RPSA: variants seen among roughly 807,000 people sequenced by gnomAD.
RPSA encodes the protein ribosomal protein SA.
For synonymous variants in RPSA, 103 were observed against 126.7 expected (o/e 0.81, Z 1.25); for missense variants, 140 against 372.8 (o/e 0.38, Z 5.14).
chr3:39,407,536 G>C, intron 1 of RPSA, 85 bp from the exon 2 acceptor site: 1 of 934,214 alleles, frequency 1.1e-6, no homozygotes, highest in Non-Finnish European at 1.7e-6. Flanking sequence ...TGACACTATA[G>C]CAGATGGAGT....
At position 39,412,258 on chromosome 3, in the gene RPSA, G is replaced by C. The variant is rs770701783; in HGVS notation, c.794-16G>C. The C allele has an allele frequency of 6.3e-7, 1 of 1,592,276 alleles. No individual in the cohort carries two copies. The highest frequency in any genetic ancestry group is 2.2e-5 in the East Asian group (1 of 44,764). On this transcript the variant is annotated splice_polypyrimidine_tract_variant and intron_variant, in intron 6 of 6. Coordinates refer to ENST00000301821, the MANE Select transcript of RPSA (RefSeq NM_002295.6). ...GAGGACAGAGCTGATGGCTTTTTTT[G>C]GTATTCTCTTAACAGAAGACTGGAG...
intron 3 of RPSA, chr3:39,408,965 A>T: frequency 2.3e-6 from 1 of 433,764 alleles, no homozygotes; most frequent in African/African-American, 2.0e-5. Context: ...GGGTGCCTGT[A>T]GTCCCAGCTA....
chr3:39,407,485 A>ACCCTTC (rs1360904809), intron 1 of RPSA, 136 bp from the exon 2 acceptor site: 3 of 736,648 alleles, frequency 4.1e-6, no homozygotes, highest in Non-Finnish European at 7.4e-6. Context: ...TGTATGGGTT[A>ACCCTTC]ACTTTCTGTT....
At chr3:39,411,423 G>C (rs772966277) in intron 4 of RPSA, 6 of 584,164 alleles carry the variant, frequency 1.0e-5, no homozygotes, top group Admixed American at 3.0e-5. Flanking sequence ...GAATTGCCCA[G>C]ATATTTTTTT....
intron 4 of RPSA, chr3:39,411,298 C>G (rs1421122974): frequency 1.5e-6 from 1 of 653,360 alleles, no homozygotes; most frequent in African/African-American, 1.8e-5. Context: ...TTGCTCAGGC[C>G]TCAGGCACTT....
At chr3:39,411,114 A>AG (rs778242471) in intron 4 of RPSA, 115 bp downstream of exon 4, 1 of 1,356,110 alleles carries the variant, frequency 7.4e-7, no homozygotes, top group South Asian at 1.2e-5. Flanking sequence ...TCGCAAGTGT[A>AG]GGTAGTGTGC....
chr3:39,409,727 TG>T (rs1239460270), intron 3 of RPSA, among the ~76,000 whole-genome samples: 1 of 152,102 alleles, frequency 6.6e-6, no homozygotes, highest in Non-Finnish European at 1.5e-5. Context: ...TCCCGTTAAT[TG>T]GGAGTCTGAG....
chr3:39,408,865 G>A, intron 3 of RPSA, 141 bp downstream of exon 3: 1 of 645,996 alleles, frequency 1.5e-6, no homozygotes, highest in Non-Finnish European at 2.8e-6. Flanking sequence ...TTGGGAGGTG[G>A]AGTCCGGCGT....
intron 4 of RPSA, 119 bp downstream of exon 4, chr3:39,411,118 A>G (rs749311267): frequency 1.5e-6 from 2 of 1,305,274 alleles, no homozygotes; most frequent in Non-Finnish European, 1.1e-6. Context: ...AAGTGTAGGT[A>G]GTGTGCTACA....
chr3:39,409,636 G>A (rs1416002341), intron 3 of RPSA, among the ~76,000 whole-genome samples: 1 of 152,148 alleles, frequency 6.6e-6, no homozygotes, highest in East Asian at 1.9e-4. Flanking sequence ...CATAGTCAAA[G>A]TTTTTACCTT....
At chr3:39,408,082 T>C in intron 2 of RPSA, 1 of 403,954 alleles carries the variant, frequency 2.5e-6, no homozygotes, top group Non-Finnish European at 4.6e-6. Context: ...CATAGGTACT[T>C]ACACAGGCTA....
rs1575258845 is a variant in RPSA at position 39,412,058 on chromosome 3, A to G, written c.790A>G (p.Thr264Ala). 3 of 1,610,922 alleles carry G rather than the reference A, an allele frequency of 1.9e-6. No individual in the cohort carries two copies. The highest frequency in any genetic ancestry group is 1.7e-5 in the Admixed American group (1 of 59,986). Residue 264 changes from threonine to alanine, a missense_variant, in exon 6 of 7, where the codon ACT (threonine) becomes GCT (alanine). By Grantham distance (58) the Thr-to-Ala change is moderately conservative. Coordinates refer to ENST00000301821, the MANE Select transcript of RPSA (RefSeq NM_002295.6). ...VPSVPIQQFP[T>A]EDWSAQPATE... ...CTCTGTGCCTATTCAGCAATTCCCTACTGGTATGTATCAGGATAGAGGTGA... is the reference window on the plus strand; with the variant it reads ...CTCTGTGCCTATTCAGCAATTCCCTGCTGGTATGTATCAGGATAGAGGTGA...
chr3:39,411,508 T>G, intron 4 of RPSA, 141 bp from the exon 5 acceptor site: 1 of 858,156 alleles, frequency 1.2e-6, no homozygotes, highest in East Asian at 2.6e-5. Context: ...AAATCCCTAT[T>G]TATAATGCTC....
At chr3:39,407,893 A>G in intron 2 of RPSA, 107 bp downstream of exon 2, 1 of 785,320 alleles carries the variant, frequency 1.3e-6, no homozygotes, top group Non-Finnish European at 2.1e-6. Context: ...TCCTTAAATG[A>G]AGCCAGACCC....
Position 39,409,396 on chromosome 3 carries a change from T to A in RPSA, c.252+672T>A, listed in dbSNP as rs1394577958. Among the ~76,000 whole-genome samples the A allele has an allele frequency of 2.6e-5, 4 of 151,992 alleles. No individual in the cohort carries two copies. The East Asian group carries it at 7.7e-4, about 29-fold the overall frequency. On this transcript the variant is annotated intron_variant, in intron 3 of 6. Transcript: ENST00000301821. ...TTTGTATTTTTAGTAGAGACATGGTTTTACCATTTGGCCAGGCTGGTCTTA... is the reference window on the plus strand; with the variant it reads ...TTTGTATTTTTAGTAGAGACATGGTATTACCATTTGGCCAGGCTGGTCTTA...
chr3:39,410,104 CAG>C (rs1336224100), intron 3 of RPSA, among the ~76,000 whole-genome samples: 9 of 152,318 alleles, frequency 5.9e-5, no homozygotes, highest in Admixed American at 2.0e-4. Context: ...GCCTGAGTGA[CAG>C]AGTGAGGCCT....
At chr3:39,411,547 A>G in intron 4 of RPSA, 102 bp from the exon 5 acceptor site, 2 of 1,231,976 alleles carry the variant, frequency 1.6e-6, no homozygotes, top group Admixed American at 1.9e-5. Context: ...CAACTAAGAG[A>G]TGTCTGTACT....
chr3:39,411,204 A>C, intron 4 of RPSA: 1 of 757,334 alleles, frequency 1.3e-6, no homozygotes, highest in Non-Finnish European at 2.4e-6. Flanking sequence ...TCTTGCTACA[A>C]GTATAACATT....
intron 1 of RPSA, chr3:39,407,154 G>A (rs2041931122): frequency 5.5e-6 from 2 of 364,790 alleles, no homozygotes; most frequent in Non-Finnish European, 1.1e-5. Context: ...GCGCCGTGCG[G>A]GTCAGGAGTT....
Sources: allele counts gnomAD v4.1 joint callset (sites outside exome capture counted in the v4.1 genomes callset), GRCh38; gene constraint gnomAD v4.1.1; transcripts MANE v1.5; gene names NCBI Gene and HGNC (gene_info 2026-07-23, HGNC 2026-07-21).